The following CDH2 variants were observed in gnomAD, a reference collection of about 807,000 sequenced individuals.
The protein encoded by CDH2 is cadherin 2.
A neutral mutation model predicts 92.0 loss-of-function variants in CDH2; 17 were observed. That is an observed-to-expected ratio of 0.18 (90% CI 0.13 to 0.28). The LOEUF (loss-of-function observed/expected upper bound fraction) is 0.28, where lower values mean the gene tolerates loss of function less well. Among genes scored for constraint, CDH2 ranks in the 10% least tolerant of loss-of-function variants. The probability of loss-of-function intolerance (pLI) is 1.00; values close to 1 mark genes in which losing one functional copy is unlikely to be tolerated. For synonymous variants in CDH2, 419 were observed against 415.9 expected, an observed-to-expected ratio of 1.01 and a Z score of -0.09; for missense variants, 862 against 1,133.1, an observed-to-expected ratio of 0.76 and a Z score of 3.44.
At chr18:28,095,287 A>C (rs770923015) in intron 2 of CDH2, among the ~76,000 whole-genome samples, 8 of 152,318 alleles carry the variant, frequency 5.3e-5, no homozygotes, top group Middle Eastern at 3.4e-3. Context: ...TGGAATTTAA[A>C]AGAAAAAAAA....
At chr18:27,987,089 T>C (rs2012259106) in intron 11 of CDH2, among the ~76,000 whole-genome samples, 1 of 152,152 alleles carries the variant, frequency 6.6e-6, no homozygotes, top group Non-Finnish European at 1.5e-5. Context: ...GCCCTTTCAA[T>C]TAGAAAACAA....
intron 2 of CDH2, among the ~76,000 whole-genome samples, chr18:28,087,470 A>C (rs768822993): frequency 1.2e-4 from 19 of 152,164 alleles, no homozygotes; most frequent in Admixed American, 2.6e-4. Context: ...CAACACAAAC[A>C]AACTGCAGAG....
rs141036272 is a variant in CDH2 at position 28,093,657 on chromosome 18, C to T, written c.172+54016G>A. Among the ~76,000 whole-genome samples, 225 of 152,028 alleles carry T rather than the reference C, an allele frequency of 1.5e-3. 5 individuals are homozygous for T. The East Asian group carries it at 0.037, about 25-fold the overall frequency. On this transcript the variant is annotated intron_variant, in intron 2 of 15. Coordinates refer to ENST00000269141, the MANE Select transcript of CDH2 (RefSeq NM_001792.5). ...GCTATAAGGTTCAGATAAAACATTGCGAAAAATCACCATCACTGCCAGCCA... is the reference window on the plus strand; with the variant it reads ...GCTATAAGGTTCAGATAAAACATTGTGAAAAATCACCATCACTGCCAGCCA...
chr18:28,019,863 A>T (rs2013360270), intron 2 of CDH2, among the ~76,000 whole-genome samples: 1 of 152,144 alleles, frequency 6.6e-6, no homozygotes, highest in Non-Finnish European at 1.5e-5. Flanking sequence ...TTGTATATTT[A>T]ATCAGTTGGG....
intron 1 of CDH2, among the ~76,000 whole-genome samples, chr18:28,161,513 G>A (rs1344822363): frequency 6.7e-6 from 1 of 149,446 alleles, no homozygotes; most frequent in African/African-American, 2.5e-5. Flanking sequence ...CCAGGAGGAG[G>A]AGAATGCAGT....
intron 2 of CDH2, among the ~76,000 whole-genome samples, chr18:28,134,007 A>C (rs2015819293): frequency 6.6e-6 from 1 of 152,072 alleles, no homozygotes; most frequent in Non-Finnish European, 1.5e-5. Flanking sequence ...ACAAAAATTT[A>C]AAAATTAGCG....
At chr18:27,992,066 G>A (rs1328132730) in intron 9 of CDH2, among the ~76,000 whole-genome samples, 2 of 152,162 alleles carry the variant, frequency 1.3e-5, no homozygotes, top group African/African-American at 2.4e-5. Flanking sequence ...CTCGGAAATA[G>A]CATTTAAAAA....
chr18:28,082,544 G>C (rs1461411011), intron 2 of CDH2, among the ~76,000 whole-genome samples: 1 of 152,046 alleles, frequency 6.6e-6, no homozygotes, highest in Non-Finnish European at 1.5e-5. Flanking sequence ...GATTTTAATA[G>C]GTACCCCCCA....
chr18:28,139,202 C>T (rs182043645), intron 2 of CDH2, among the ~76,000 whole-genome samples: 7 of 152,080 alleles, frequency 4.6e-5, no homozygotes, highest in Admixed American at 2.0e-4. Context: ...TGTTAAAAAA[C>T]GCAGATTTTT....
At chr18:28,000,244 A>G (rs1052112987) in intron 7 of CDH2, among the ~76,000 whole-genome samples, 6 of 152,056 alleles carry the variant, frequency 3.9e-5, no homozygotes, top group African/African-American at 1.4e-4. Context: ...CTGGGACTAC[A>G]GGTGCACACC....
chr18:28,152,118 T>G (rs2016132631), intron 1 of CDH2, among the ~76,000 whole-genome samples: 1 of 152,138 alleles, frequency 6.6e-6, no homozygotes, highest in Admixed American at 6.5e-5. Flanking sequence ...TGTGTTAAGT[T>G]CCGTATCACA....
At chr18:28,038,397 T>C (rs1440920438) in intron 2 of CDH2, among the ~76,000 whole-genome samples, 1 of 151,160 alleles carries the variant, frequency 6.6e-6, no homozygotes, top group Non-Finnish European at 1.5e-5. Flanking sequence ...CACTCCAGCC[T>C]GGGTGACAGT....
intron 1 of CDH2, among the ~76,000 whole-genome samples, chr18:28,160,863 G>A (rs906390635): frequency 1.3e-5 from 2 of 152,048 alleles, no homozygotes; most frequent in Admixed American, 6.6e-5. Flanking sequence ...TACCATTTGG[G>A]GTACCTCATG....
At chr18:28,053,706 T>C (rs1362092842) in intron 2 of CDH2, among the ~76,000 whole-genome samples, 1 of 152,220 alleles carries the variant, frequency 6.6e-6, no homozygotes, top group Non-Finnish European at 1.5e-5. Flanking sequence ...CGTTTCAAGA[T>C]TCATAAATAT....
At chr18:28,018,003 C>A (rs2013300656) in intron 2 of CDH2, among the ~76,000 whole-genome samples, 1 of 151,920 alleles carries the variant, frequency 6.6e-6, no homozygotes, top group African/African-American at 2.4e-5. Context: ...CATGATTGTA[C>A]CTAGAAAACT....
At chr18:27,978,848 G>A (rs2011941598) in intron 14 of CDH2, among the ~76,000 whole-genome samples, 1 of 151,762 alleles carries the variant, frequency 6.6e-6, no homozygotes, top group South Asian at 2.1e-4. Flanking sequence ...AAGAGATGTG[G>A]TCTTACTATG....
At chr18:27,974,644 T>C (rs1444313746) in intron 14 of CDH2, among the ~76,000 whole-genome samples, 1 of 152,196 alleles carries the variant, frequency 6.6e-6, no homozygotes, top group Non-Finnish European at 1.5e-5. Flanking sequence ...TGAACCTGAA[T>C]TCCCAATACA....
At chr18:28,008,407 G>C (rs780119421) in intron 5 of CDH2, among the ~76,000 whole-genome samples, 1 of 152,168 alleles carries the variant, frequency 6.6e-6, no homozygotes, top group Non-Finnish European at 1.5e-5. Context: ...TCTTTGGGAA[G>C]AGAAAGTATA....
At chr18:28,059,803 C>T (rs995482211) in intron 2 of CDH2, among the ~76,000 whole-genome samples, 2 of 152,208 alleles carry the variant, frequency 1.3e-5, no homozygotes, top group Admixed American at 1.3e-4. Context: ...CACACATACA[C>T]ATTTGTTTGA....
Sources: gnomAD v4.1 joint callset for allele counts (sites outside exome capture counted in the v4.1 genomes callset) on GRCh38, gnomAD v4.1.1 for gene constraint, MANE v1.5 for transcripts, NCBI Gene and HGNC (gene_info 2026-07-23, HGNC 2026-07-21) for gene names.